Variants in SLC6A17 observed in about 807,000 individuals in gnomAD.
The protein encoded by SLC6A17 is solute carrier family 6 member 17, also known as sodium-dependent neutral amino acid transporter SLC6A17.
Under a neutral mutation model 64.5 loss-of-function variants are expected in SLC6A17, and 21 were observed. The observed-to-expected ratio is 0.33, with a 90% confidence interval of 0.23 to 0.47. SLC6A17 has a LOEUF of 0.47. Among genes scored for constraint, SLC6A17 ranks in the 20% least tolerant of loss-of-function variants. The pLI, the probability that SLC6A17 is intolerant of heterozygous loss-of-function variation, is 1.00. For synonymous variants in SLC6A17, 372 were observed against 399.5 expected, an observed-to-expected ratio of 0.93 and a Z score of 0.82; for missense variants, 682 against 963.2, an observed-to-expected ratio of 0.71 and a Z score of 3.86.
intron 3 of SLC6A17, 124 bp from the exon 4 acceptor site, chr1:110,173,849 T>G: frequency 7.1e-7 from 1 of 1,412,764 alleles, no homozygotes; most frequent in South Asian, 1.5e-5. Flanking sequence ...TATCCCTCCT[T>G]GCCTCTCTTG....
chr1:110,171,589 T>C (rs1382085715), intron 2 of SLC6A17, among the ~76,000 whole-genome samples: 3 of 151,974 alleles, frequency 2.0e-5, no homozygotes, highest in Non-Finnish European at 4.4e-5. Context: ...TGTGTCAGCG[T>C]CTGGTTCAGA....
rs1426465293 is a variant in SLC6A17 at position 110,199,887 on chromosome 1, GTGGATGGATGGATAGATGGATGGA to G, written c.*1457_*1480del. On this transcript the variant is annotated 3_prime_UTR_variant, in exon 12 of 12. Coordinates refer to ENST00000331565, the MANE Select transcript of SLC6A17 (RefSeq NM_001010898.4). ...TGGATGGATGGGTTGGGGAGTGGGG[GTGGATGGATGGATAGATGGATGGA>G]TGGATGGATGGATGGGTTGGGGGGT... 30 of 388,896 alleles carry G rather than the reference GTGGATGGATGGATAGATGGATGGA, an allele frequency of 7.7e-5. No individual in the cohort carries two copies. In the East Asian group the frequency reaches 8.0e-4, roughly 10 times the overall value. The allele number at this position is 388,896 out of a possible 1,614,324, so 24.1% of individuals were successfully genotyped here.
chr1:110,178,911 T>C (rs1409081746), intron 6 of SLC6A17, among the ~76,000 whole-genome samples: 2 of 152,256 alleles, frequency 1.3e-5, no homozygotes, highest in Non-Finnish European at 2.9e-5. Flanking sequence ...GCAACCACTT[T>C]CCTGAATTTG....
chr1:110,161,953 T>A (rs1655922321), intron 1 of SLC6A17, among the ~76,000 whole-genome samples: 3 of 152,242 alleles, frequency 2.0e-5, no homozygotes, highest in Admixed American at 1.3e-4. Flanking sequence ...CTATTTTTTC[T>A]CCTTTCAAGA....
intron 1 of SLC6A17, among the ~76,000 whole-genome samples, chr1:110,166,478 C>G (rs1399733869): frequency 1.3e-5 from 2 of 152,198 alleles, no homozygotes; most frequent in African/African-American, 4.8e-5. Context: ...AAGCAGAACA[C>G]CTGGAAGGGG....
chr1:110,152,464 G>T (rs1375229977), intron 1 of SLC6A17, among the ~76,000 whole-genome samples: 2 of 152,192 alleles, frequency 1.3e-5, no homozygotes, highest in Admixed American at 6.5e-5. Flanking sequence ...AGCAGGACTC[G>T]TGAGCAGGAA....
rs1656381113 is a variant in SLC6A17, at chr1:110,176,613, C to T, written c.754-16C>T. 6.2e-7 allele frequency: 1 copy of T among 1,613,024 alleles called. No homozygotes were observed. The highest frequency in any genetic ancestry group is 1.1e-5 in the South Asian group (1 of 91,072). ...GAAGGGCTCTGCCTGATGGGGGTTCCCTGTCCTCTCTGCAGGTGATGTATT... is the reference window on the plus strand; with the variant it reads ...GAAGGGCTCTGCCTGATGGGGGTTCTCTGTCCTCTCTGCAGGTGATGTATT... On this transcript the variant is annotated splice_polypyrimidine_tract_variant and intron_variant, in intron 5 of 11. Transcript: ENST00000331565.
Position 110,195,567 on chromosome 1 carries a change from G to T in SLC6A17, c.1493-19G>T. The T allele has an allele frequency of 6.2e-7, 1 of 1,613,452 alleles. No homozygotes were observed. Among genetic ancestry groups the T allele is most frequent in the Non-Finnish European group, 8.5e-7 (1 of 1,179,742 alleles). On this transcript the variant is annotated intron_variant, in intron 9 of 11. Transcript: ENST00000331565. ...ACCCTGCACCTTTGCCCCCAAACCG[G>T]CCTCCCGGCTCTCTGTAGTGGGCTG...
chr1:110,185,374 G>A (rs1305625806), intron 6 of SLC6A17, among the ~76,000 whole-genome samples: 4 of 152,316 alleles, frequency 2.6e-5, no homozygotes, highest in South Asian at 4.1e-4. Context: ...CTGGTGCTTC[G>A]TGGCCCCGGC....
At chr1:110,187,093 C>T (rs1188279091) in intron 6 of SLC6A17, among the ~76,000 whole-genome samples, 2 of 151,666 alleles carry the variant, frequency 1.3e-5, no homozygotes, top group African/African-American at 2.4e-5. Flanking sequence ...ATGCAAGCGA[C>T]GTGACCAGAG....
In SLC6A17 at chr1:110,201,024, GAAACA is replaced by G. The variant is rs1335864461; in HGVS notation, c.*2581_*2585del. The G allele has an allele frequency of 1.3e-5, 2 of 151,990 alleles. No homozygotes were observed. The highest frequency in any genetic ancestry group is 2.9e-5 in the Non-Finnish European group (2 of 67,982). 9.4% of individuals were successfully genotyped at this position (151,990 alleles called of 1,614,324 possible). A position where few individuals can be genotyped will look rare whatever the true frequency, so the allele number is the denominator to read the frequency against. On this transcript the variant is annotated 3_prime_UTR_variant, in exon 12 of 12. Transcript: ENST00000331565. ...TGCCTTCACACCACTGGGTTTGCCA[GAAACA>G]GGGAAGGAGGGCGTTAAGGGAAAAA...
intron 6 of SLC6A17, among the ~76,000 whole-genome samples, chr1:110,181,084 C>T (rs563241378): frequency 2.1e-4 from 32 of 152,294 alleles, no homozygotes; most frequent in Admixed American, 4.6e-4. Flanking sequence ...CTCGTGTTGA[C>T]GGCTAATGAA....
At position 110,171,413 on chromosome 1, in the gene SLC6A17, T is replaced by C. The variant is rs527995063; in HGVS notation, c.287-647T>C. On this transcript the variant is annotated intron_variant, in intron 2 of 11. Coordinates refer to ENST00000331565, the MANE Select transcript of SLC6A17 (RefSeq NM_001010898.4). ...AGATTAATTTATCATCTGGAATCTT[T>C]AGCGAGACCCATTCTATCCTTTATG... Among the ~76,000 whole-genome samples the C allele has an allele frequency of 1.1e-4, 16 of 152,330 alleles. No individual in the cohort carries two copies. In the South Asian group the frequency reaches 2.7e-3, roughly 26 times the overall value.
rs151260028 is a variant in SLC6A17, at chr1:110,198,405, C to T, written c.2145C>T (p.Ser715=). ...GTAACCCCAATGGACGCTATGGGAG[C>T]GGCTACCTGCTGGCCAGCACCCCTG... ...TSGNPNGRYG[S]GYLLASTPES... The change falls in exon 12 of 12, where the codon AGC becomes AGT. Residue 715 remains serine (S), a synonymous_variant. Coordinates refer to ENST00000331565, the MANE Select transcript of SLC6A17 (RefSeq NM_001010898.4). The T allele has an allele frequency of 5.1e-5, 83 of 1,613,450 alleles. No homozygotes were observed. The highest frequency in any genetic ancestry group is 2.9e-4 in the African/African-American group (22 of 75,040).
chr1:110,157,998 A>G (rs955725537), intron 1 of SLC6A17, among the ~76,000 whole-genome samples: 63 of 151,586 alleles, frequency 4.2e-4, no homozygotes, highest in African/African-American at 1.4e-3. Context: ...ATCCCCTCAT[A>G]CTCTATATTG....
intron 1 of SLC6A17, among the ~76,000 whole-genome samples, chr1:110,157,721 TG>T (rs1316356728): frequency 6.6e-6 from 1 of 152,234 alleles, no homozygotes; most frequent in Non-Finnish European, 1.5e-5. Flanking sequence ...CTGCCTGTTC[TG>T]GACACTCACT....
In SLC6A17 at chr1:110,192,221, G is replaced by A. The variant is rs368646682; in HGVS notation, c.1106+8G>A. 5.0e-6 allele frequency: 8 copies of A among 1,603,608 alleles called. No homozygotes were observed. In the Admixed American group the frequency reaches 6.7e-5, roughly 13 times the overall value. On this transcript the variant is annotated splice_region_variant and intron_variant, in intron 7 of 11. Transcript: ENST00000331565. This position sits in a 1 kb window ranked among gnomAD's most constrained non-coding sequence, Gnocchi z 4.3. ...TGAGAAGTGTGTGGTCGAGTAGGTG[G>A]CATCTCTCCTCCTGTCCCTCCTTCT...
intron 2 of SLC6A17, among the ~76,000 whole-genome samples, chr1:110,170,013 C>G (rs753226088): frequency 2.6e-5 from 4 of 152,156 alleles, no homozygotes; most frequent in Non-Finnish European, 4.4e-5. Flanking sequence ...GGGCCAGTAC[C>G]TTGTCTTTGC....
At chr1:110,158,122 T>C (rs1438099163) in intron 1 of SLC6A17, among the ~76,000 whole-genome samples, 1 of 152,146 alleles carries the variant, frequency 6.6e-6, no homozygotes, top group African/African-American at 2.4e-5. Flanking sequence ...ATAAATCCAA[T>C]GGAGCAGGGA....
Sources: gnomAD v4.1 joint callset for allele counts (sites outside exome capture counted in the v4.1 genomes callset) on GRCh38, gnomAD v4.1.1 for gene constraint, Gnocchi (gnomAD v3.1) non-coding constraint, MANE v1.5 for transcripts, NCBI Gene and HGNC (gene_info 2026-07-23, HGNC 2026-07-21) for gene names.